Variants in ARL8B observed in about 807,000 individuals in gnomAD.
The protein encoded by ARL8B is ARF like GTPase 8B.
ARL8B carries 9 observed loss-of-function variants against 30.6 expected under a neutral mutation model. The observed-to-expected ratio is 0.29, with a 90% CI of 0.18 to 0.51. ARL8B has a LOEUF of 0.51. Ranked by LOEUF, ARL8B falls within the 20% of genes least tolerant of loss-of-function variation. The probability of loss-of-function intolerance (pLI) is 0.97; values close to 1 mark genes in which losing one functional copy is unlikely to be tolerated. For missense variants in ARL8B, 130 were observed against 227.2 expected, an observed-to-expected ratio of 0.57 and a Z score of 2.75; for synonymous variants, 74 against 76.0, an observed-to-expected ratio of 0.97 and a Z score of 0.14.
intron 6 of ARL8B, 91 bp from the exon 7 acceptor site, chr3:5,178,573 G>T: frequency 8.0e-7 from 1 of 1,250,034 alleles, no homozygotes; most frequent in Non-Finnish European, 1.1e-6. Context: ...GGCATAGTGT[G>T]TGCCTTGAAT....
At chr3:5,130,187 A>C (rs35833834) in intron 1 of ARL8B, among the ~76,000 whole-genome samples, 1 of 129,554 alleles carries the variant, frequency 7.7e-6, no homozygotes, top group African/African-American at 2.6e-5. Flanking sequence ...CTTAAAAAAA[A>C]ATATATATTT....
chr3:5,153,940 C>T (rs1389234611), intron 1 of ARL8B, among the ~76,000 whole-genome samples: 4 of 147,940 alleles, frequency 2.7e-5, no homozygotes, highest in Non-Finnish European at 1.5e-5. Flanking sequence ...TTTTTTTTTT[C>T]CCCCTCCAGC....
chr3:5,167,565 T>G (rs1056713787), intron 1 of ARL8B, among the ~76,000 whole-genome samples: 1 of 152,170 alleles, frequency 6.6e-6, no homozygotes, highest in Non-Finnish European at 1.5e-5. Context: ...CCCCCCCAAG[T>G]CAGATTAACT....
At chr3:5,132,486 G>C (rs1287848116) in intron 1 of ARL8B, among the ~76,000 whole-genome samples, 2 of 152,086 alleles carry the variant, frequency 1.3e-5, no homozygotes, top group Non-Finnish European at 2.9e-5. Context: ...TGATCCACCT[G>C]CTTCGGCCTC....
intron 1 of ARL8B, among the ~76,000 whole-genome samples, chr3:5,154,875 G>A: frequency 6.9e-6 from 1 of 144,732 alleles, no homozygotes; most frequent in Non-Finnish European, 1.5e-5. Flanking sequence ...CATGCCCGGT[G>A]GATTTTTGTG....
intron 1 of ARL8B, among the ~76,000 whole-genome samples, chr3:5,151,597 G>T (rs574836035): frequency 5.3e-5 from 8 of 152,142 alleles, no homozygotes; most frequent in South Asian, 4.1e-4. Context: ...CCAAGTATTT[G>T]GTTGTTTCCA....
At chr3:5,135,176 CAT>C (rs2054313863) in intron 1 of ARL8B, among the ~76,000 whole-genome samples, 1 of 152,162 alleles carries the variant, frequency 6.6e-6, no homozygotes, top group Admixed American at 6.5e-5. Context: ...GGCTAGTTAA[CAT>C]ATAGTTCCTA....
At chr3:5,131,453 C>T (rs981404477) in intron 1 of ARL8B, among the ~76,000 whole-genome samples, 5 of 151,122 alleles carry the variant, frequency 3.3e-5, no homozygotes, top group Admixed American at 6.6e-5. Context: ...TGCAGTGGCG[C>T]GATCTCGGCT....
intron 1 of ARL8B, among the ~76,000 whole-genome samples, chr3:5,131,069 C>T (rs1056145435): frequency 1.6e-4 from 24 of 151,864 alleles, no homozygotes; most frequent in Admixed American, 1.0e-3. Context: ...CCCGCCACCA[C>T]GCCCAGCTAA....
chr3:5,138,712 T>C (rs2054347645), intron 1 of ARL8B, among the ~76,000 whole-genome samples: 1 of 152,176 alleles, frequency 6.6e-6, no homozygotes, highest in South Asian at 2.1e-4. Context: ...AGGCAGCTAC[T>C]GAATAAATAA....
At chr3:5,129,021 A>G (rs544431558) in intron 1 of ARL8B, among the ~76,000 whole-genome samples, 78 of 151,738 alleles carry the variant, frequency 5.1e-4, no homozygotes, top group African/African-American at 1.7e-3. Context: ...GATTTTTCCT[A>G]TGTTTTCCTA....
chr3:5,154,366 C>T (rs2054514279), intron 1 of ARL8B, among the ~76,000 whole-genome samples: 1 of 119,816 alleles, frequency 8.3e-6, no homozygotes, highest in Non-Finnish European at 1.6e-5. Context: ...CAGGGTCTCG[C>T]TGTGTTGCCC....
At chr3:5,154,753 C>T (rs981361167) in intron 1 of ARL8B, among the ~76,000 whole-genome samples, 5 of 151,442 alleles carry the variant, frequency 3.3e-5, no homozygotes, top group Admixed American at 1.3e-4. Context: ...CTCTGTTGCC[C>T]GGGCTGGAGT....
rs146580596 is a variant in ARL8B, at chr3:5,144,513, A to G, written c.123+21925A>G. Among the ~76,000 whole-genome samples the G allele has an allele frequency of 1.2e-4, 18 of 152,302 alleles. 1 individual carries two copies. In the East Asian group the frequency reaches 3.3e-3, roughly 28 times the overall value. ...GGGTCCCCATTGACTCCCTTTGTGT[A>G]ATACAGACGTTAGTTCTCTCATCAG... On this transcript the variant is annotated intron_variant, in intron 1 of 6. Coordinates refer to ENST00000256496, the MANE Select transcript of ARL8B (RefSeq NM_018184.3).
intron 1 of ARL8B, among the ~76,000 whole-genome samples, chr3:5,124,256 A>ATTTTTTTT (rs35897178): frequency 9.5e-6 from 1 of 105,698 alleles, no homozygotes; most frequent in African/African-American, 3.7e-5. Flanking sequence ...AATACCACTA[A>ATTTTTTTT]TTTTTTTTTT....
intron 1 of ARL8B, among the ~76,000 whole-genome samples, chr3:5,128,110 C>T (rs1385992234): frequency 2.1e-5 from 3 of 146,254 alleles, no homozygotes; most frequent in African/African-American, 7.7e-5. Context: ...TTGCGTTGAG[C>T]CGAAATTGAG....
At chr3:5,168,093 G>T (rs2054639729) in intron 1 of ARL8B, among the ~76,000 whole-genome samples, 1 of 151,932 alleles carries the variant, frequency 6.6e-6, no homozygotes, top group African/African-American at 2.4e-5. Flanking sequence ...TCACTCTATT[G>T]TCTAGGCTGG....
intron 2 of ARL8B, 78 bp downstream of exon 2, chr3:5,170,661 T>C (rs1378346636): frequency 9.7e-6 from 11 of 1,139,254 alleles, no homozygotes; most frequent in Non-Finnish European, 1.4e-5. Context: ...TTTCTGTGTT[T>C]TTACTGAAAA....
intron 1 of ARL8B, among the ~76,000 whole-genome samples, chr3:5,162,004 C>A (rs1199377931): frequency 6.6e-6 from 1 of 152,164 alleles, no homozygotes; most frequent in East Asian, 1.9e-4. Flanking sequence ...GTTTATAAGA[C>A]CGCAGGAAAA....
Sources: gnomAD v4.1 joint callset for allele counts (sites outside exome capture counted in the v4.1 genomes callset) on GRCh38, gnomAD v4.1.1 for gene constraint, MANE v1.5 for transcripts, NCBI Gene and HGNC (gene_info 2026-07-23, HGNC 2026-07-21) for gene names.